The following PPP2R2C variants were observed in gnomAD, a reference collection of about 807,000 sequenced individuals.
PPP2R2C encodes protein phosphatase 2, regulatory subunit B, gamma.
Under a neutral mutation model 45.3 loss-of-function variants are expected in PPP2R2C, and 10 were observed. That is an observed-to-expected ratio of 0.22 (90% CI 0.14 to 0.37). The LOEUF is 0.37. Ranked by LOEUF, PPP2R2C falls within the 10% of genes least tolerant of loss-of-function variation. The pLI, the probability that PPP2R2C is intolerant of heterozygous loss-of-function variation, is 1.00. For missense variants in PPP2R2C, 308 were observed against 619.7 expected (o/e 0.50, Z 5.34); for synonymous variants, 257 against 245.4 (o/e 1.05, Z -0.44).
chr4:6,335,632 G>C (rs58423294), intron 6 of PPP2R2C, among the ~76,000 whole-genome samples: 6,393 of 152,120 alleles, frequency 0.042, 429 homozygotes, highest in African/African-American at 0.14. Flanking sequence ...CAGGAGGCTG[G>C]AGTCCCCTCC....
Position 6,382,595 on chromosome 4 carries a change from C to T in PPP2R2C, c.71-1501G>A, listed in dbSNP as rs1715883005. ...TGATGACAGCTCTATTGTTCACTTG[C>T]TCAGGCCCAAGCCTTGGAGTTTCTC... On this transcript the variant is annotated intron_variant, in intron 1 of 8. Transcript: ENST00000382599. The T allele has an allele frequency of 6.7e-6, 8 of 1,198,386 alleles. No individual in the cohort carries two copies. In the Admixed American group the frequency reaches 1.7e-4, roughly 25 times the overall value. 74.2% of individuals were successfully genotyped at this position (1,198,386 alleles called of 1,614,324 possible). A position where few individuals can be genotyped will look rare whatever the true frequency, so the allele number is the denominator to read the frequency against.
chr4:6,534,269 A>C (rs954908936), intron 2 of PPP2R2C, among the ~76,000 whole-genome samples: 1 of 150,428 alleles, frequency 6.6e-6, no homozygotes, highest in African/African-American at 2.5e-5. Flanking sequence ...CACACCACAT[A>C]GCAAGACACA....
At chr4:6,425,026 G>T (rs977725738) in intron 1 of PPP2R2C, among the ~76,000 whole-genome samples, 1 of 152,190 alleles carries the variant, frequency 6.6e-6, no homozygotes, top group African/African-American at 2.4e-5. Flanking sequence ...TGAGTGGTGT[G>T]GGCAAAGAGC....
chr4:6,446,228 G>A (rs1282626213), intron 1 of PPP2R2C, among the ~76,000 whole-genome samples: 1 of 152,182 alleles, frequency 6.6e-6, no homozygotes, highest in African/African-American at 2.4e-5. Context: ...TGCCCCTGCA[G>A]CGTCGTCAAA....
chr4:6,372,473 G>A (rs919202122), intron 5 of PPP2R2C, 50 bp downstream of exon 5: 33 of 1,574,490 alleles, frequency 2.1e-5, no homozygotes, highest in Non-Finnish European at 2.8e-5. Flanking sequence ...CCACCCAACG[G>A]AAGCTACTCT....
intron 8 of PPP2R2C, among the ~76,000 whole-genome samples, chr4:6,326,164 C>T (rs1318807990): frequency 1.3e-5 from 2 of 152,160 alleles, no homozygotes; most frequent in Non-Finnish European, 2.9e-5. Context: ...TTTACACAGT[C>T]CCTGGGAGGG....
At chr4:6,341,434 G>A (rs1037097761) in intron 6 of PPP2R2C, among the ~76,000 whole-genome samples, 1 of 151,988 alleles carries the variant, frequency 6.6e-6, no homozygotes, top group Non-Finnish European at 1.5e-5. Flanking sequence ...AAGAGTGCAG[G>A]TTGAAGGCAT....
At chr4:6,541,573 G>C (rs1724803575) in intron 1 of PPP2R2C, among the ~76,000 whole-genome samples, 1 of 152,054 alleles carries the variant, frequency 6.6e-6, no homozygotes, top group African/African-American at 2.4e-5. Context: ...GTGAGACAGA[G>C]TCCCACTCTG....
chr4:6,486,023 A>G (rs1488541506), intron 2 of PPP2R2C, among the ~76,000 whole-genome samples: 2 of 151,966 alleles, frequency 1.3e-5, no homozygotes, highest in African/African-American at 4.8e-5. Flanking sequence ...ATACATGTTT[A>G]GTGCTGTAAA....
intron 2 of PPP2R2C, among the ~76,000 whole-genome samples, chr4:6,531,018 G>T (rs979668004): frequency 6.6e-6 from 1 of 152,184 alleles, no homozygotes; most frequent in Non-Finnish European, 1.5e-5. Flanking sequence ...GGAGGAGCCC[G>T]CTCTGAGTGA....
At chr4:6,466,347 G>C (rs1577204676) in intron 1 of PPP2R2C, among the ~76,000 whole-genome samples, 1 of 152,290 alleles carries the variant, frequency 6.6e-6, no homozygotes, top group East Asian at 1.9e-4. Context: ...AGTAACAGCA[G>C]AACATGAACC....
At chr4:6,365,492 A>T (rs1026036759) in intron 5 of PPP2R2C, among the ~76,000 whole-genome samples, 4 of 152,162 alleles carry the variant, frequency 2.6e-5, no homozygotes, top group Non-Finnish European at 5.9e-5. Context: ...CTGGTAAAGG[A>T]GACACACTCC....
intron 4 of PPP2R2C, among the ~76,000 whole-genome samples, chr4:6,373,040 C>T (rs1219441859): frequency 6.6e-6 from 1 of 152,262 alleles, no homozygotes; most frequent in Non-Finnish European, 1.5e-5. Context: ...CAATGCAGTG[C>T]TGTCACTGGG....
chr4:6,444,452 C>G (rs981818064), intron 1 of PPP2R2C, among the ~76,000 whole-genome samples: 1 of 152,172 alleles, frequency 6.6e-6, no homozygotes, highest in East Asian at 1.9e-4. Context: ...CCCAGATCCC[C>G]TGGATATTAA....
intron 2 of PPP2R2C, among the ~76,000 whole-genome samples, chr4:6,504,138 G>A (rs150173142): frequency 1.3e-3 from 205 of 152,314 alleles, no homozygotes; most frequent in Middle Eastern, 3.4e-3. Context: ...CTTGGCTACT[G>A]GAATCTGGCA....
intron 2 of PPP2R2C, among the ~76,000 whole-genome samples, chr4:6,502,294 C>A (rs932376897): frequency 6.6e-6 from 1 of 152,142 alleles, no homozygotes; most frequent in Admixed American, 6.5e-5. Context: ...TTCCATATGC[C>A]GGGGAAATCC....
chr4:6,387,456 C>G (rs541588952), intron 1 of PPP2R2C, among the ~76,000 whole-genome samples: 3 of 152,068 alleles, frequency 2.0e-5, no homozygotes, highest in Admixed American at 2.0e-4. Flanking sequence ...TTTAATGTGC[C>G]GAAAGAAAAT....
chr4:6,561,252 C>A (rs116626341), intron 1 of PPP2R2C, among the ~76,000 whole-genome samples: 117 of 152,328 alleles, frequency 7.7e-4, no homozygotes, highest in African/African-American at 2.8e-3. Flanking sequence ...AGAAGACAGG[C>A]GTCTTGCAAG....
intron 1 of PPP2R2C, among the ~76,000 whole-genome samples, chr4:6,458,791 CTA>C (rs1176147489): frequency 1.3e-5 from 2 of 152,134 alleles, no homozygotes; most frequent in African/African-American, 2.4e-5. Flanking sequence ...GGACCCTGGG[CTA>C]TGTTTCAGAA....
Sources: gnomAD v4.1 joint callset for allele counts (sites outside exome capture counted in the v4.1 genomes callset) on GRCh38, gnomAD v4.1.1 for gene constraint, MANE v1.5 for transcripts, NCBI Gene and HGNC (gene_info 2026-07-23, HGNC 2026-07-21) for gene names.